The following GGA2 variants were observed in gnomAD, a reference collection of about 807,000 sequenced individuals.
The protein encoded by GGA2 is golgi associated, gamma adaptin ear containing, ARF binding protein 2.
In GGA2, 48 loss-of-function variants were observed where a neutral mutation model predicts 79.5. That is an observed-to-expected ratio of 0.60 (90% CI 0.48 to 0.77). The LOEUF (loss-of-function observed/expected upper bound fraction) is 0.77, where lower values mean the gene tolerates loss of function less well. GGA2 is among the 30% of genes least tolerant of loss of function. The probability of loss-of-function intolerance (pLI) is 0.00; values close to 1 mark genes in which losing one functional copy is unlikely to be tolerated. For synonymous variants in GGA2, 317 were observed against 302.0 expected (o/e 1.05, Z -0.51); for missense variants, 770 against 774.0 (o/e 0.99, Z 0.06).
At chr16:23,501,509 CT>C (rs1209497010) in intron 1 of GGA2, 2 of 371,190 alleles carry the variant, frequency 5.4e-6, no homozygotes, top group Non-Finnish European at 1.1e-5. Context: ...TGACCGTGAC[CT>C]GTATTTTCTA....
At chr16:23,511,367 G>T (rs1965059963), upstream of GGA2, among the ~76,000 whole-genome samples, 1 of 151,332 alleles carries the variant, frequency 6.6e-6, no homozygotes, top group Non-Finnish European at 1.5e-5. Context: ...CACTATGTTG[G>T]CCAGGCTGGT....
intron 9 of GGA2, 116 bp from the exon 10 acceptor site, chr16:23,480,886 C>T (rs1476255038): frequency 1.1e-5 from 10 of 942,524 alleles, no homozygotes; most frequent in Non-Finnish European, 1.7e-5. Context: ...AGTTTATCCA[C>T]ACCTCCTGCC....
chr16:23,495,026 A>C (rs1355086956), intron 2 of GGA2, among the ~76,000 whole-genome samples: 6 of 151,810 alleles, frequency 4.0e-5, no homozygotes, highest in Admixed American at 1.3e-4. Context: ...TGGAGGTTGC[A>C]GTGAGCTGAG....
upstream of GGA2, chr16:23,524,359 A>C (rs1468138): frequency 0.84 from 1,357,391 of 1,610,728 alleles, 573,357 homozygotes; most frequent in Middle Eastern, 0.88. Flanking sequence ...CACTGCCCGA[A>C]ACATCCTCTC....
In GGA2 at chr16:23,465,359, G is replaced by A; in HGVS notation, c.*2231C>T. ...GCCACTGGACTTGCTGATTAGAAGGGAGTGATGCCATAAACCACAGCCACT... is the reference window on the plus strand; with the variant it reads ...GCCACTGGACTTGCTGATTAGAAGGAAGTGATGCCATAAACCACAGCCACT... On this transcript the variant is annotated 3_prime_UTR_variant, in exon 17 of 17. Transcript: ENST00000309859. 1.4e-6 allele frequency: 1 copy of A among 702,888 alleles called. No individual in the cohort carries two copies. The highest frequency in any genetic ancestry group is 2.6e-6 in the Non-Finnish European group (1 of 384,826). 43.5% of individuals were successfully genotyped at this position (702,888 alleles called of 1,614,324 possible).
upstream of GGA2, among the ~76,000 whole-genome samples, chr16:23,514,774 G>A (rs545101591): frequency 1.9e-4 from 29 of 152,112 alleles, no homozygotes; most frequent in African/African-American, 6.8e-4. Flanking sequence ...TGTTGGCCAT[G>A]ACCCTTTGGA....
At chr16:23,491,531 A>T (rs1483744454) in intron 5 of GGA2, 146 bp downstream of exon 5, 8 of 11,840 alleles carry the variant, frequency 6.8e-4, no homozygotes, top group Admixed American at 2.2e-3. Context: ...TTTATTGCGT[A>T]AAAAAAAAAA....
chr16:23,488,582 C>T (rs761576012), intron 6 of GGA2, 24 bp downstream of exon 6: 6 of 1,307,318 alleles, frequency 4.6e-6, no homozygotes, highest in Non-Finnish European at 6.7e-6. Flanking sequence ...TCTGATCAGA[C>T]ACCATGTAGG....
intron 14 of GGA2, among the ~76,000 whole-genome samples, chr16:23,473,428 C>T (rs1964540057): frequency 7.0e-6 from 1 of 142,080 alleles, no homozygotes; most frequent in South Asian, 2.4e-4. Context: ...CTTCTGCCAT[C>T]TGGGTTCAGG....
intron 5 of GGA2, 56 bp downstream of exon 5, chr16:23,491,621 G>T: frequency 1.3e-6 from 2 of 1,550,128 alleles, no homozygotes; most frequent in Non-Finnish European, 1.8e-6. Flanking sequence ...AGATGAAAAA[G>T]CAAGAAGATA....
In GGA2 at chr16:23,480,871, T is replaced by G. The variant is rs1567361782; in HGVS notation, c.881-101A>C. On this transcript the variant is annotated intron_variant, in intron 9 of 16. Transcript: ENST00000309859. ...AAACAGCCTTCATATGGCTAGACTA[T>G]GTTCAGTTTATCCACACCTCCTGCC... 11 of 1,162,162 alleles carry G rather than the reference T, an allele frequency of 9.5e-6. No homozygotes were observed. The East Asian group carries it at 1.9e-4, about 20-fold the overall frequency. The allele number at this position is 1,162,162 out of a possible 1,614,324, so 72.0% of individuals were successfully genotyped here.
At position 23,475,189 on chromosome 16, in the gene GGA2, CTTTT is replaced by C. The variant is rs370261106; in HGVS notation, c.1293-132_1293-129del. On this transcript the variant is annotated intron_variant, in intron 13 of 16. Transcript: ENST00000309859. ...ACACACAGAGTTAGATGTTATATGC[CTTTT>C]TTTTTTTTTTTTTTGATACAGTATC... The C allele has an allele frequency of 7.8e-3, 2,482 of 317,774 alleles. 1 individual carries two copies. Among genetic ancestry groups the C allele is most frequent in the Non-Finnish European group, 9.3e-3 (1,630 of 174,522 alleles). 19.7% of individuals were successfully genotyped at this position (317,774 alleles called of 1,614,324 possible). A position where few individuals can be genotyped will look rare whatever the true frequency, so the allele number is the denominator to read the frequency against.
intron 3 of GGA2, 98 bp downstream of exon 3, chr16:23,494,205 T>C: frequency 1.2e-6 from 1 of 832,432 alleles, no homozygotes; most frequent in East Asian, 2.4e-5. Flanking sequence ...GGGACCTCCC[T>C]TCTCCAGTGA....
At chr16:23,492,566 C>CA (rs1490242744) in intron 4 of GGA2, among the ~76,000 whole-genome samples, 1 of 152,156 alleles carries the variant, frequency 6.6e-6, no homozygotes, top group Non-Finnish European at 1.5e-5. Context: ...ATGGCAAGCT[C>CA]AGAGTCCAGG....
chr16:23,489,439 C>T (rs1466900858), intron 5 of GGA2, among the ~76,000 whole-genome samples: 2 of 152,226 alleles, frequency 1.3e-5, no homozygotes, highest in East Asian at 3.9e-4. Context: ...GGGGGTCTCG[C>T]TATGTTGCCC....
At chr16:23,512,513 G>C (rs892958471), upstream of GGA2, among the ~76,000 whole-genome samples, 1 of 151,936 alleles carries the variant, frequency 6.6e-6, no homozygotes, top group Admixed American at 6.6e-5. Context: ...AATAGCAATG[G>C]GTGATGATTC....
rs572579622 is a variant in GGA2, at chr16:23,499,642, C to T, written c.92-3864G>A. 1.7e-3 allele frequency among the ~76,000 whole-genome samples: 252 copies of T among 151,906 alleles called. 2 individuals are homozygous for T. Among genetic ancestry groups the T allele is most frequent in the African/African-American group, 5.9e-3 (244 of 41,398 alleles). On this transcript the variant is annotated intron_variant, in intron 1 of 16. Transcript: ENST00000309859. ...TTGAGAGGCCGAGGCGGGAAGATCC[C>T]GAGTAGGGACGGGGTTTCACCATGT... is the stretch of plus-strand genomic sequence containing the variant.
chr16:23,488,366 G>A (rs1274162216), intron 6 of GGA2, among the ~76,000 whole-genome samples: 1 of 152,148 alleles, frequency 6.6e-6, no homozygotes, highest in East Asian at 1.9e-4. Flanking sequence ...ATCCTACCAA[G>A]ACCCAGGATG....
intron 14 of GGA2, among the ~76,000 whole-genome samples, chr16:23,473,666 ATTTTTG>A (rs1370267164): frequency 6.6e-6 from 1 of 152,082 alleles, no homozygotes; most frequent in East Asian, 1.9e-4. Context: ...TTGAACATGT[ATTTTTG>A]TTTTTAACTT....
Sources: allele counts gnomAD v4.1 joint callset (sites outside exome capture counted in the v4.1 genomes callset), GRCh38; gene constraint gnomAD v4.1.1; transcripts MANE v1.5; gene names NCBI Gene and HGNC (gene_info 2026-07-23, HGNC 2026-07-21).